Variants in CNTN5 observed in about 807,000 individuals in gnomAD.
The protein encoded by CNTN5 is contactin 5, also known as contactin-5.
Under a neutral mutation model 129.1 loss-of-function variants are expected in CNTN5, and 77 were observed. That is an observed-to-expected ratio of 0.60 (90% CI 0.50 to 0.72). CNTN5 has a LOEUF of 0.72. Among genes scored for constraint, CNTN5 ranks in the 30% least tolerant of loss-of-function variants. The pLI, the probability that CNTN5 is intolerant of heterozygous loss-of-function variation, is 0.00. For missense variants in CNTN5, 1,478 were observed against 1,328.8 expected (o/e 1.11, Z -1.75); for synonymous variants, 509 against 465.6 (o/e 1.09, Z -1.20).
chr11:99,674,549 T>G (rs577020443), intron 3 of CNTN5, among the ~76,000 whole-genome samples: 5 of 152,142 alleles, frequency 3.3e-5, no homozygotes, highest in Admixed American at 3.3e-4. Context: ...ATCTACTAAC[T>G]CTTCACACAG....
intron 1 of CNTN5, among the ~76,000 whole-genome samples, chr11:99,201,976 T>C (rs944928557): frequency 6.6e-6 from 1 of 152,214 alleles, no homozygotes; most frequent in Non-Finnish European, 1.5e-5. Flanking sequence ...GGAACTAATA[T>C]ATCAATGCAT....
At chr11:99,210,663 C>A (rs1227986815) in intron 1 of CNTN5, among the ~76,000 whole-genome samples, 1 of 152,070 alleles carries the variant, frequency 6.6e-6, no homozygotes. Context: ...AATATTTTAA[C>A]GTAATTTTTG....
chr11:100,037,085 C>T (rs1264658120), intron 9 of CNTN5, among the ~76,000 whole-genome samples: 2 of 151,550 alleles, frequency 1.3e-5, no homozygotes, highest in South Asian at 4.2e-4. Flanking sequence ...TGCCCATTCA[C>T]TATGATATTG....
At chr11:99,458,999 G>A (rs545423611) in intron 2 of CNTN5, among the ~76,000 whole-genome samples, 14 of 152,144 alleles carry the variant, frequency 9.2e-5, no homozygotes, top group African/African-American at 2.9e-4. Context: ...AGCTTTGTAA[G>A]TTAGGCCATG....
At chr11:99,644,172 G>T (rs1024935678) in intron 3 of CNTN5, among the ~76,000 whole-genome samples, 1 of 152,076 alleles carries the variant, frequency 6.6e-6, no homozygotes, top group Non-Finnish European at 1.5e-5. Flanking sequence ...TGTCTCTAGC[G>T]TAGAAAGAGG....
At chr11:100,212,733 T>A (rs1321872921) in intron 15 of CNTN5, among the ~76,000 whole-genome samples, 1 of 152,118 alleles carries the variant, frequency 6.6e-6, no homozygotes, top group African/African-American at 2.4e-5. Flanking sequence ...GTGATTTTTT[T>A]CATTTATATT....
intron 1 of CNTN5, among the ~76,000 whole-genome samples, chr11:99,182,237 C>A (rs1023229049): frequency 3.3e-5 from 5 of 152,066 alleles, no homozygotes; most frequent in African/African-American, 4.8e-5. Flanking sequence ...TGAAAATGAG[C>A]ATTTGATATG....
At chr11:99,616,277 T>C (rs1314958846) in intron 3 of CNTN5, among the ~76,000 whole-genome samples, 3 of 152,164 alleles carry the variant, frequency 2.0e-5, no homozygotes, top group South Asian at 2.1e-4. Context: ...ACATAAGATA[T>C]ATCATTAAGA....
chr11:99,627,001 C>A (rs558919075), intron 3 of CNTN5, among the ~76,000 whole-genome samples: 1 of 152,182 alleles, frequency 6.6e-6, no homozygotes, highest in South Asian at 2.1e-4. Flanking sequence ...TCCGTAGTTT[C>A]CTTTTCTCCA....
intron 6 of CNTN5, among the ~76,000 whole-genome samples, chr11:99,884,742 T>G (rs532888563): frequency 1.3e-5 from 2 of 152,160 alleles, no homozygotes; most frequent in Non-Finnish European, 2.9e-5. Context: ...TTTGGGAGGT[T>G]GAGGCAGGTG....
chr11:99,735,075 A>G (rs994310035), intron 3 of CNTN5, among the ~76,000 whole-genome samples: 3 of 152,220 alleles, frequency 2.0e-5, no homozygotes, highest in African/African-American at 4.8e-5. Flanking sequence ...TAAGAAGTCA[A>G]CATCTTAGGT....
chr11:99,383,870 C>T (rs1940756818), intron 2 of CNTN5, among the ~76,000 whole-genome samples: 1 of 152,138 alleles, frequency 6.6e-6, no homozygotes, highest in Non-Finnish European at 1.5e-5. Context: ...GATGTCAGGA[C>T]TGCTGGGTAC....
intron 3 of CNTN5, among the ~76,000 whole-genome samples, chr11:99,792,245 T>C (rs1486434266): frequency 6.6e-6 from 1 of 152,164 alleles, no homozygotes. Flanking sequence ...TTGTCAGAGA[T>C]GACTTATTAT....
rs567488029 is a variant in CNTN5, at chr11:100,228,041, T to C, written c.2005+3229T>C. On this transcript the variant is annotated intron_variant, in intron 16 of 24. Coordinates refer to ENST00000524871, the MANE Select transcript of CNTN5 (RefSeq NM_014361.4). ...ATGTTTTCTAAAGTAATTATAAGGG[T>C]AGGAAACTAAAGAATAATATGTGCT... 2.0e-5 allele frequency among the ~76,000 whole-genome samples: 3 copies of C among 152,312 alleles called. No individual in the cohort carries two copies. The South Asian group carries it at 6.2e-4, about 32-fold the overall frequency.
chr11:99,874,184 A>G (rs991635939), intron 6 of CNTN5, among the ~76,000 whole-genome samples: 1 of 152,166 alleles, frequency 6.6e-6, no homozygotes, highest in South Asian at 2.1e-4. Flanking sequence ...AAACAAGCAC[A>G]TGTAGCTCCC....
chr11:100,140,915 C>T (rs1057265106), intron 13 of CNTN5, among the ~76,000 whole-genome samples: 1 of 152,050 alleles, frequency 6.6e-6, no homozygotes, highest in Non-Finnish European at 1.5e-5. Context: ...CTGGAAAGGG[C>T]AGTGAGAAGC....
At chr11:99,684,380 A>T (rs529418667) in intron 3 of CNTN5, among the ~76,000 whole-genome samples, 1 of 152,030 alleles carries the variant, frequency 6.6e-6, no homozygotes, top group South Asian at 2.1e-4. Flanking sequence ...ATGTATTATG[A>T]TAATACTAAG....
At chr11:99,725,973 A>G (rs780143601) in intron 3 of CNTN5, among the ~76,000 whole-genome samples, 1 of 152,118 alleles carries the variant, frequency 6.6e-6, no homozygotes, top group African/African-American at 2.4e-5. Context: ...TAAGAATATT[A>G]TTATTAGAAT....
chr11:100,181,463 A>G (rs974277225), intron 13 of CNTN5, among the ~76,000 whole-genome samples: 3 of 151,984 alleles, frequency 2.0e-5, no homozygotes, highest in African/African-American at 7.2e-5. Flanking sequence ...AAAAAGGAAA[A>G]TAAAGAATCG....
Sources: allele counts gnomAD v4.1 joint callset (sites outside exome capture counted in the v4.1 genomes callset), GRCh38; gene constraint gnomAD v4.1.1; transcripts MANE v1.5; gene names NCBI Gene and HGNC (gene_info 2026-07-23, HGNC 2026-07-21).